The following NFATC3 variants were observed in gnomAD, a reference collection of about 807,000 sequenced individuals.
NFATC3 encodes nuclear factor of activated T cells 3.
In NFATC3, 46 loss-of-function variants were observed where a neutral mutation model predicts 98.6. The observed-to-expected ratio is 0.47, with a 90% CI of 0.37 to 0.60. NFATC3 has a LOEUF of 0.60. Among genes scored for constraint, NFATC3 ranks in the 20% least tolerant of loss-of-function variants. NFATC3 has a pLI of 0.00. For missense variants in NFATC3, 1,256 were observed against 1,295.5 expected, an observed-to-expected ratio of 0.97 and a Z score of 0.47; for synonymous variants, 512 against 472.2, an observed-to-expected ratio of 1.08 and a Z score of -1.09.
At chr16:68,102,715 A>G (rs770039582) in intron 1 of NFATC3, among the ~76,000 whole-genome samples, 17 of 152,250 alleles carry the variant, frequency 1.1e-4, no homozygotes, top group Admixed American at 4.6e-4. Flanking sequence ...ACTACCTACA[A>G]ATGTAATTGC....
At chr16:68,141,424 A>T (rs1567517661) in intron 3 of NFATC3, among the ~76,000 whole-genome samples, 1 of 152,168 alleles carries the variant, frequency 6.6e-6, no homozygotes, top group Non-Finnish European at 1.5e-5. Context: ...TTACATTCCC[A>T]TCAGCAGTGG....
At chr16:68,102,954 C>T (rs542984971) in intron 1 of NFATC3, among the ~76,000 whole-genome samples, 17 of 152,122 alleles carry the variant, frequency 1.1e-4, no homozygotes, top group African/African-American at 4.1e-4. Flanking sequence ...TACCTAATGA[C>T]CAGTGATGTT....
At chr16:68,202,058 C>T (rs776032675) in intron 9 of NFATC3, among the ~76,000 whole-genome samples, 3 of 151,214 alleles carry the variant, frequency 2.0e-5, no homozygotes, top group Non-Finnish European at 4.4e-5. Flanking sequence ...TTGAGTTAAC[C>T]GAATCCTGTT....
rs1304587253 is a variant in NFATC3, at chr16:68,122,694, T to C, written c.811T>C (p.Cys271Arg). ...SGPSSRPTSPCGKRRHSSAEV... is the reference protein window; with the variant it reads ...SGPSSRPTSPRGKRRHSSAEV... ...ACCCTCATCAAGGCCCACATCCCCC[T>C]GTGGGAAACGGAGGCACTCCAGTGC... The change falls in exon 2 of 10, where the codon TGT becomes CGT. Residue 271 changes from cysteine (C) to arginine (R), a missense_variant. Cys to Arg is a radical substitution (Grantham distance 180). This residue lies in a region of NFATC3 where 464 missense variants were observed against 465.7 expected (regional missense o/e 1.00). Coordinates refer to ENST00000346183, the MANE Select transcript of NFATC3 (RefSeq NM_173165.3). 2 of 1,614,066 alleles carry C rather than the reference T, an allele frequency of 1.2e-6. No individual in the cohort carries two copies. The highest frequency in any genetic ancestry group is 1.7e-6 in the Non-Finnish European group (2 of 1,180,038).
intron 4 of NFATC3, 55 bp downstream of exon 4, chr16:68,158,123 A>T (rs2038707286): frequency 9.1e-7 from 1 of 1,095,488 alleles, no homozygotes; most frequent in Admixed American, 2.8e-5. Flanking sequence ...TACTTTCAGA[A>T]AAAAAGTAAA....
Position 68,191,724 on chromosome 16 carries a change from C to G in NFATC3, c.3055C>G (p.Arg1019Gly), listed in dbSNP as rs1332382073. ...TVSIKPEPED[R>G]EPNFATIGLQ... ...GAGCATTAAACCTGAACCAGAAGAT[C>G]GAGAGCCTAACTTTGCAACCATTGG... The change falls in exon 9 of 10, where the codon CGA (arginine) becomes GGA (glycine). Residue 1019 changes from arginine to glycine, a missense_variant. Physicochemically the swap from Arg to Gly is moderately radical, Grantham distance 125 (BLOSUM62 -2). Around this residue, in one of 3 missense-constraint regions of NFATC3, gnomAD observed 636 missense variants for 617.3 expected, o/e 1.03. Coordinates refer to ENST00000346183, the MANE Select transcript of NFATC3 (RefSeq NM_173165.3). The G allele has an allele frequency of 3.7e-6, 6 of 1,613,936 alleles. No homozygotes were observed. In the Admixed American group the frequency reaches 5.0e-5, roughly 13 times the overall value.
At chr16:68,179,464 A>T (rs530640377) in intron 6 of NFATC3, among the ~76,000 whole-genome samples, 15 of 152,354 alleles carry the variant, frequency 9.8e-5, no homozygotes, top group Middle Eastern at 3.4e-3. Context: ...CTTGTGCAGC[A>T]GAAGTAACCA....
chr16:68,133,566 C>T (rs1232673976), intron 3 of NFATC3, among the ~76,000 whole-genome samples: 1 of 152,172 alleles, frequency 6.6e-6, no homozygotes, highest in Non-Finnish European at 1.5e-5. Context: ...TTAAGCACTT[C>T]ATGAGTCTCC....
intron 3 of NFATC3, among the ~76,000 whole-genome samples, chr16:68,141,207 C>G (rs2037736720): frequency 6.6e-6 from 1 of 152,070 alleles, no homozygotes; most frequent in African/African-American, 2.4e-5. Context: ...CTACTCATGG[C>G]TGATGGGCAT....
At chr16:68,111,565 T>C (rs557191934) in intron 1 of NFATC3, among the ~76,000 whole-genome samples, 1 of 152,194 alleles carries the variant, frequency 6.6e-6, no homozygotes, top group Non-Finnish European at 1.5e-5. Context: ...ATGGTTCTTG[T>C]CTTTTTAGCC....
At chr16:68,102,967 A>ACTGTG (rs1758042424) in intron 1 of NFATC3, among the ~76,000 whole-genome samples, 1 of 152,062 alleles carries the variant, frequency 6.6e-6, no homozygotes, top group Non-Finnish European at 1.5e-5. Context: ...GTGATGTTGA[A>ACTGTG]CATCTTTTCA....
At chr16:68,129,534 C>T (rs564389530) in intron 3 of NFATC3, among the ~76,000 whole-genome samples, 1 of 152,082 alleles carries the variant, frequency 6.6e-6, no homozygotes, top group East Asian at 1.9e-4. Context: ...TTTCCTTTCC[C>T]ATATATTTTG....
At chr16:68,186,057 A>G (rs2040186742) in intron 8 of NFATC3, among the ~76,000 whole-genome samples, 1 of 152,078 alleles carries the variant, frequency 6.6e-6, no homozygotes, top group South Asian at 2.1e-4. Context: ...ATAGATGACA[A>G]ATCAGGTGAC....
At chr16:68,147,048 T>A (rs1382780814) in intron 3 of NFATC3, among the ~76,000 whole-genome samples, 1 of 152,256 alleles carries the variant, frequency 6.6e-6, no homozygotes, top group Non-Finnish European at 1.5e-5. Flanking sequence ...CTGGAACAGA[T>A]GTTGGTCAAA....
At chr16:68,158,175 A>G (rs2038709901) in intron 4 of NFATC3, 107 bp downstream of exon 4, 2 of 698,830 alleles carry the variant, frequency 2.9e-6, no homozygotes, top group Admixed American at 6.6e-5. Flanking sequence ...TCTAAATGGC[A>G]TTATGTAAAT....
chr16:68,226,203 C>G, intron 9 of NFATC3, 147 bp from the exon 10 acceptor site: 1 of 867,814 alleles, frequency 1.2e-6, no homozygotes, highest in South Asian at 2.2e-5. Context: ...TCTAATGCCA[C>G]TCAGCTCAGG....
intron 8 of NFATC3, among the ~76,000 whole-genome samples, chr16:68,189,958 A>G (rs778025074): frequency 2.0e-5 from 3 of 152,182 alleles, no homozygotes. Context: ...CAGGAGGCTG[A>G]GGTGGGAGGA....
chr16:68,113,403 C>A (rs1049270004), intron 1 of NFATC3, among the ~76,000 whole-genome samples: 1 of 152,230 alleles, frequency 6.6e-6, no homozygotes. Flanking sequence ...CATCTACCCC[C>A]TCCTGCACCT....
intron 9 of NFATC3, among the ~76,000 whole-genome samples, chr16:68,219,438 T>G (rs928388601): frequency 6.6e-5 from 10 of 152,086 alleles, no homozygotes; most frequent in Non-Finnish European, 1.2e-4. Context: ...GGCACATGCC[T>G]GTAGTCCCAG....
Sources: allele counts gnomAD v4.1 joint callset (sites outside exome capture counted in the v4.1 genomes callset), GRCh38; gene constraint gnomAD v4.1.1; regional missense constraint gnomAD v4.1.1; transcripts MANE v1.5; gene names NCBI Gene and HGNC (gene_info 2026-07-23, HGNC 2026-07-21).